The following MACROD2 variants were observed in gnomAD, a reference collection of about 807,000 sequenced individuals.
MACROD2 encodes the protein ADP-ribose glycohydrolase MACROD2.
Under a neutral mutation model 70.4 loss-of-function variants are expected in MACROD2, and 36 were observed. The observed-to-expected ratio is 0.51, with a 90% CI of 0.39 to 0.68. The LOEUF (loss-of-function observed/expected upper bound fraction) is 0.68. MACROD2 is among the 30% of genes least tolerant of loss of function. The pLI is 0.00. For missense variants in MACROD2, 496 were observed against 538.4 expected (o/e 0.92, Z 0.78); for synonymous variants, 172 against 178.8 (o/e 0.96, Z 0.30).
chr20:14,521,650 G>T (rs2085170221), intron 4 of MACROD2, among the ~76,000 whole-genome samples: 2 of 152,196 alleles, frequency 1.3e-5, no homozygotes, highest in African/African-American at 4.8e-5. Flanking sequence ...GTGGTGAGAA[G>T]AATCAGCCTG....
chr20:15,696,178 T>G (rs1382276429), intron 8 of MACROD2, among the ~76,000 whole-genome samples: 1 of 152,202 alleles, frequency 6.6e-6, no homozygotes, highest in South Asian at 2.1e-4. Flanking sequence ...TGGTTGTGGG[T>G]TTGTCATAGA....
chr20:14,698,916 G>A (rs1025514192), intron 5 of MACROD2, among the ~76,000 whole-genome samples: 7 of 151,648 alleles, frequency 4.6e-5, no homozygotes, highest in Non-Finnish European at 7.4e-5. Flanking sequence ...TAGTAACTTG[G>A]CTAATAGATA....
At chr20:15,793,073 A>C (rs1025457753) in intron 8 of MACROD2, among the ~76,000 whole-genome samples, 1 of 152,154 alleles carries the variant, frequency 6.6e-6, no homozygotes, top group African/African-American at 2.4e-5. Context: ...TTAAAAATTA[A>C]AGTGACGATC....
Position 15,474,690 on chromosome 20 carries a change from A to G in MACROD2, c.572-25084A>G, listed in dbSNP as rs546178060. ...ACCCTTTGGGAACAGAGGCAACCCC[A>G]TAGGTGCGTGGCTTGACAGTTTAAT... On this transcript the variant is annotated intron_variant, in intron 7 of 17. Coordinates refer to ENST00000684519, the MANE Select transcript of MACROD2 (RefSeq NM_001351661.2). Among the ~76,000 whole-genome samples the G allele has an allele frequency of 2.0e-5, 3 of 152,332 alleles. No homozygotes were observed. In the East Asian group the frequency reaches 5.8e-4, roughly 29 times the overall value.
intron 5 of MACROD2, among the ~76,000 whole-genome samples, chr20:15,099,780 T>C (rs1041738592): frequency 6.6e-6 from 1 of 152,058 alleles, no homozygotes; most frequent in African/African-American, 2.4e-5. Context: ...AGAAAGAAGA[T>C]AGGAGAGGTA....
intron 4 of MACROD2, among the ~76,000 whole-genome samples, chr20:14,680,720 G>A (rs183131159): frequency 6.6e-6 from 1 of 152,086 alleles, no homozygotes; most frequent in East Asian, 1.9e-4. Flanking sequence ...CAGACCCATA[G>A]CTGACCTAGA....
intron 3 of MACROD2, among the ~76,000 whole-genome samples, chr20:14,295,363 G>A (rs2082418361): frequency 6.6e-6 from 1 of 151,942 alleles, no homozygotes; most frequent in Non-Finnish European, 1.5e-5. Context: ...ATGTAGGACT[G>A]TGAGACCTGA....
At chr20:14,797,918 G>A (rs972096187) in intron 5 of MACROD2, among the ~76,000 whole-genome samples, 3 of 151,992 alleles carry the variant, frequency 2.0e-5, no homozygotes, top group Admixed American at 6.6e-5. Flanking sequence ...AGAAACATAA[G>A]GCTGACTCTG....
chr20:15,123,348 T>C (rs1003789183), intron 5 of MACROD2, among the ~76,000 whole-genome samples: 2 of 152,126 alleles, frequency 1.3e-5, no homozygotes, highest in Non-Finnish European at 2.9e-5. Context: ...ACATCAACAC[T>C]TGCCCAAGAC....
chr20:15,268,461 G>C (rs554110024), intron 6 of MACROD2, among the ~76,000 whole-genome samples: 1 of 152,298 alleles, frequency 6.6e-6, no homozygotes, highest in South Asian at 2.1e-4. Context: ...ACCCAGCCTG[G>C]CCAAGATGGT....
chr20:15,215,025 A>G (rs1207585620), intron 5 of MACROD2, among the ~76,000 whole-genome samples: 2 of 152,168 alleles, frequency 1.3e-5, no homozygotes, highest in Non-Finnish European at 2.9e-5. Flanking sequence ...TAATTAATGC[A>G]TAATAATTAG....
chr20:15,860,751 C>G (rs1044740903), intron 8 of MACROD2, among the ~76,000 whole-genome samples: 2 of 152,152 alleles, frequency 1.3e-5, no homozygotes, highest in Non-Finnish European at 2.9e-5. Flanking sequence ...CTTACCTCCT[C>G]CTTTACCTCC....
At chr20:14,587,974 G>T (rs1050769351) in intron 4 of MACROD2, among the ~76,000 whole-genome samples, 21 of 152,022 alleles carry the variant, frequency 1.4e-4, no homozygotes, top group Admixed American at 5.2e-4. Context: ...TTCTAATTCT[G>T]TAAGGGAAAA....
intron 6 of MACROD2, among the ~76,000 whole-genome samples, chr20:15,329,639 A>T (rs1032296032): frequency 6.6e-6 from 1 of 152,114 alleles, no homozygotes; most frequent in Non-Finnish European, 1.5e-5. Flanking sequence ...AATATTTTAA[A>T]ACAAAATCTT....
intron 5 of MACROD2, among the ~76,000 whole-genome samples, chr20:14,843,331 A>G (rs931290718): frequency 4.0e-5 from 6 of 151,560 alleles, no homozygotes; most frequent in South Asian, 2.1e-4. Flanking sequence ...GCATGTTTGT[A>G]TATATTTTAT....
In MACROD2 at chr20:15,179,190, T is replaced by C. The variant is rs1050355992; in HGVS notation, c.419-50750T>C. ...CTCTGGAAATATTTTGTATCTTGCC[T>C]AGGGTGGTGGTTACCTCCATGTAAA... On this transcript the variant is annotated intron_variant, in intron 5 of 17. Transcript: ENST00000684519. 2.6e-5 allele frequency among the ~76,000 whole-genome samples: 4 copies of C among 152,196 alleles called. No homozygotes were observed. The East Asian group carries it at 7.7e-4, about 29-fold the overall frequency.
chr20:15,118,333 C>T (rs1454484230), intron 5 of MACROD2, among the ~76,000 whole-genome samples: 1 of 151,890 alleles, frequency 6.6e-6, no homozygotes, highest in African/African-American at 2.4e-5. Flanking sequence ...GCTAGGACTA[C>T]AGGCATGCGC....
At chr20:14,921,716 G>T (rs1166789966) in intron 5 of MACROD2, among the ~76,000 whole-genome samples, 1 of 147,924 alleles carries the variant, frequency 6.8e-6, no homozygotes, top group African/African-American at 2.5e-5. Context: ...TATATTTAGT[G>T]TCAGGGATAA....
chr20:15,447,172 T>TA (rs1426344132), intron 7 of MACROD2, among the ~76,000 whole-genome samples: 2 of 151,058 alleles, frequency 1.3e-5, no homozygotes, highest in African/African-American at 4.9e-5. Context: ...TAGGAAGAGG[T>TA]AAAAAATAGG....
Sources: gnomAD v4.1 joint callset for allele counts (sites outside exome capture counted in the v4.1 genomes callset) on GRCh38, gnomAD v4.1.1 for gene constraint, MANE v1.5 for transcripts, NCBI Gene and HGNC (gene_info 2026-07-23, HGNC 2026-07-21) for gene names.